TNPO3: variants seen among roughly 807,000 people sequenced by gnomAD.
The protein encoded by TNPO3 is transportin 3.
In TNPO3, 65 loss-of-function variants were observed where a neutral mutation model predicts 122.8. The ratio of observed to expected loss-of-function variants is 0.53; its 90% CI spans 0.43 to 0.65. The LOEUF (loss-of-function observed/expected upper bound fraction) is 0.65, where lower values mean the gene tolerates loss of function less well. Ranked by LOEUF, TNPO3 falls within the 30% of genes least tolerant of loss-of-function variation. The probability of loss-of-function intolerance (pLI) is 0.00; values close to 1 mark genes in which losing one functional copy is unlikely to be tolerated. For missense variants in TNPO3, 850 were observed against 1,136.7 expected, an observed-to-expected ratio of 0.75 and a Z score of 3.63; for synonymous variants, 372 against 411.2, an observed-to-expected ratio of 0.90 and a Z score of 1.15.
intron 14 of TNPO3, among the ~76,000 whole-genome samples, chr7:128,980,579 A>T (rs1799527774): frequency 6.6e-6 from 1 of 152,150 alleles, no homozygotes; most frequent in African/African-American, 2.4e-5. Flanking sequence ...AATCCCAGCT[A>T]CTTAGGAGGC....
chr7:129,047,449 A>G (rs1056911753), intron 1 of TNPO3, among the ~76,000 whole-genome samples: 6 of 152,232 alleles, frequency 3.9e-5, no homozygotes, highest in Non-Finnish European at 7.3e-5. Flanking sequence ...AACACTTTGA[A>G]GTTATCAGTG....
intron 1 of TNPO3, among the ~76,000 whole-genome samples, chr7:129,051,731 C>G (rs1458852171): frequency 6.6e-6 from 1 of 152,034 alleles, no homozygotes; most frequent in African/African-American, 2.4e-5. Flanking sequence ...GCAACCTCCA[C>G]CTCCTGGGTT....
intron 1 of TNPO3, among the ~76,000 whole-genome samples, chr7:129,032,861 G>A (rs59147352): frequency 0.39 from 58,501 of 151,928 alleles, 12,518 homozygotes; most frequent in Non-Finnish European, 0.48. Flanking sequence ...TTTCCTTCAC[G>A]TGGAATCTCA....
At chr7:129,006,411 A>G (rs542530621) in intron 4 of TNPO3, among the ~76,000 whole-genome samples, 91 of 152,350 alleles carry the variant, frequency 6.0e-4, no homozygotes, top group Middle Eastern at 3.4e-3. Context: ...AATAATAAAC[A>G]TGTCATCCCA....
chr7:128,971,122 A>C (rs963262318), intron 19 of TNPO3: 2 of 151,334 alleles, frequency 1.3e-5, no homozygotes, highest in African/African-American at 2.4e-5. Flanking sequence ...AAAAAAAAAA[A>C]ACCCTTTTTT....
rs1161166450 is a variant in TNPO3 at position 129,040,083 on chromosome 7, C to T, written c.120+14568G>A. On this transcript the variant is annotated intron_variant, in intron 1 of 22. Coordinates refer to ENST00000265388, the MANE Select transcript of TNPO3 (RefSeq NM_012470.4). ...CAGCCTGGCCAACACGGTGAAACCC[C>T]GTCTCTACTAAAAATACAAAAATTA... 5.9e-5 allele frequency among the ~76,000 whole-genome samples: 9 copies of T among 151,900 alleles called. No homozygotes were observed. In the South Asian group the frequency reaches 1.9e-3, roughly 32 times the overall value.
chr7:129,016,459 T>C (rs1326263602), intron 3 of TNPO3, among the ~76,000 whole-genome samples: 1 of 152,160 alleles, frequency 6.6e-6, no homozygotes, highest in African/African-American at 2.4e-5. Context: ...ATATTGGAGG[T>C]AAAAAGTAAT....
chr7:128,997,396 G>T lies in TNPO3; in HGVS notation c.1151C>A (p.Pro384Gln). 6.2e-7 allele frequency: 1 copy of T among 1,614,132 alleles called. No homozygotes were observed. The highest frequency in any genetic ancestry group is 1.1e-5 in the South Asian group (1 of 91,076). The change falls in exon 8 of 23, where the codon CCA becomes CAA. Residue 384 changes from proline (P) to glutamine (Q), a missense_variant. Transcript: ENST00000265388. Reference sequence around the variant, plus strand: ...GTAGAGAAGGGAACTTACATGGTCTGGTTCCAGCTGGCAGTGTCGAGCCAA... The same window carrying T: ...GTAGAGAAGGGAACTTACATGGTCTTGTTCCAGCTGGCAGTGTCGAGCCAA... ...HALARHCQLE[P>Q]DHEGVPEETD... is the part of the protein sequence containing the mutation.
chr7:128,972,579 A>G lies in TNPO3; in HGVS notation c.2277T>C (p.Phe759=). ...VDDLFRLATR[F]IQRSPVTLLR... ...GCAAGGTGACAGGGCTACGCTGAAT[A>G]AACCTGGTGTGGAAAGTGAGACTAG... is the stretch of plus-strand genomic sequence containing the variant. Residue 759 remains phenylalanine, a synonymous_variant, in exon 19 of 23, where the codon TTT becomes TTC. Coordinates refer to ENST00000265388, the MANE Select transcript of TNPO3 (RefSeq NM_012470.4). The G allele has an allele frequency of 6.2e-7, 1 of 1,613,060 alleles. No individual in the cohort carries two copies.
chr7:128,987,057 A>T (rs1800237341), intron 11 of TNPO3, 137 bp from the exon 12 acceptor site: 1 of 838,736 alleles, frequency 1.2e-6, no homozygotes, highest in Non-Finnish European at 1.8e-6. Flanking sequence ...GTTCAGAACC[A>T]CAATAAATAA....
chr7:129,004,180 T>G (rs1378913344), intron 5 of TNPO3, among the ~76,000 whole-genome samples: 1 of 152,192 alleles, frequency 6.6e-6, no homozygotes, highest in Non-Finnish European at 1.5e-5. Flanking sequence ...TGTCTTTCTT[T>G]TCTTTAATTC....
chr7:128,983,239 C>T (rs1483790716), intron 13 of TNPO3, among the ~76,000 whole-genome samples: 1 of 152,026 alleles, frequency 6.6e-6, no homozygotes, highest in Non-Finnish European at 1.5e-5. Context: ...TGGAGTCTTG[C>T]TCTGCCACCC....
chr7:129,017,844 A>T, intron 2 of TNPO3, 113 bp downstream of exon 2: 2 of 1,012,960 alleles, frequency 2.0e-6, no homozygotes, highest in Non-Finnish European at 3.0e-6. Flanking sequence ...ACATAGCAGT[A>T]CATCTGTAAT....
intron 8 of TNPO3, among the ~76,000 whole-genome samples, chr7:128,996,444 A>T (rs1360815361): frequency 2.6e-5 from 4 of 152,086 alleles, no homozygotes; most frequent in Non-Finnish European, 5.9e-5. Flanking sequence ...TCTACTATTT[A>T]ATAAGGTACA....
intron 1 of TNPO3, among the ~76,000 whole-genome samples, chr7:129,034,080 C>T (rs1806277686): frequency 6.6e-6 from 1 of 152,006 alleles, no homozygotes; most frequent in Non-Finnish European, 1.5e-5. Context: ...TGTTACTAAG[C>T]CTTCAAAAGG....
At chr7:128,955,573 T>C (rs1796818078) in intron 22 of TNPO3, among the ~76,000 whole-genome samples, 188 bp from the exon 23 acceptor site, 1 of 152,210 alleles carries the variant, frequency 6.6e-6, no homozygotes, top group Non-Finnish European at 1.5e-5. Flanking sequence ...AGGGAGCTAC[T>C]GCTTTAATGA....
chr7:128,974,999 T>C (rs1798915296), intron 17 of TNPO3, 37 bp from the exon 18 acceptor site: 1 of 1,550,072 alleles, frequency 6.5e-7, no homozygotes, highest in Non-Finnish European at 8.9e-7. Context: ...AAATGCTTTT[T>C]CAGAAATGCC....
chr7:129,003,704 A>G (rs964633658), intron 5 of TNPO3, among the ~76,000 whole-genome samples: 1 of 152,142 alleles, frequency 6.6e-6, no homozygotes, highest in Non-Finnish European at 1.5e-5. Context: ...AAAAAGTAGC[A>G]TGATTTTAAA....
rs1376018265 is a variant in TNPO3, at chr7:129,006,320, A to AATAG, written c.553-1165_553-1162dup. On this transcript the variant is annotated intron_variant, in intron 4 of 22. Coordinates refer to ENST00000265388, the MANE Select transcript of TNPO3 (RefSeq NM_012470.4). ...TTACTTATATACCTGGTTGATACAG[A>AATAG]ATAGATAATAAGCTAGAGTAAGCTA... is the stretch of plus-strand genomic sequence containing the variant. Among the ~76,000 whole-genome samples the AATAG allele has an allele frequency of 3.3e-5, 5 of 152,366 alleles. No homozygotes were observed. The East Asian group carries it at 5.8e-4, about 18-fold the overall frequency.
Sources: allele counts gnomAD v4.1 joint callset (sites outside exome capture counted in the v4.1 genomes callset), GRCh38; gene constraint gnomAD v4.1.1; transcripts MANE v1.5; gene names NCBI Gene and HGNC (gene_info 2026-07-23, HGNC 2026-07-21).